Variants in NCALD observed in about 807,000 individuals in gnomAD.
NCALD encodes neurocalcin-delta.
A neutral mutation model predicts 18.6 loss-of-function variants in NCALD; 10 were observed. That is an observed-to-expected ratio of 0.54 (90% CI 0.33 to 0.91). The LOEUF (loss-of-function observed/expected upper bound fraction) is 0.91. Among genes scored for constraint, NCALD ranks in the 40% least tolerant of loss-of-function variants. NCALD has a pLI of 0.03. For synonymous variants in NCALD, 88 were observed against 87.4 expected (o/e 1.01, Z -0.04); for missense variants, 184 against 247.6 (o/e 0.74, Z 1.72).
In NCALD at chr8:101,689,194, C is replaced by T; in HGVS notation, c.*115G>A. ...TCACGGAGGAAGGCGCATCAGACCG[C>T]ACAGGGGACGGCATCACCATTGATA... On this transcript the variant is annotated 3_prime_UTR_variant, in exon 4 of 4. Coordinates refer to ENST00000220931, the MANE Select transcript of NCALD (RefSeq NM_032041.3). The surrounding 1 kb of genome is among the most constrained non-coding windows in gnomAD (Gnocchi z 4.4). 1.0e-6 allele frequency: 1 copy of T among 958,570 alleles called. No homozygotes were observed. Among genetic ancestry groups the T allele is most frequent in the Non-Finnish European group, 1.6e-6 (1 of 614,736 alleles). The allele number at this position is 958,570 out of a possible 1,614,324, so 59.4% of individuals were successfully genotyped here. A position where few individuals can be genotyped will look rare whatever the true frequency, so the allele number is the denominator to read the frequency against.
intron 1 of NCALD, among the ~76,000 whole-genome samples, chr8:102,118,659 C>A (rs529824564): frequency 6.6e-6 from 1 of 151,992 alleles, no homozygotes; most frequent in East Asian, 1.9e-4. Context: ...GACATATTTT[C>A]AGTTGTACAG....
chr8:101,848,331 G>C (rs893550113), intron 4 of NCALD, among the ~76,000 whole-genome samples: 6 of 151,932 alleles, frequency 3.9e-5, no homozygotes, highest in Non-Finnish European at 8.8e-5. Flanking sequence ...GAAGTGGCTT[G>C]GATACTATAA....
chr8:101,935,155 G>A (rs1037179476), intron 2 of NCALD, among the ~76,000 whole-genome samples: 1 of 151,584 alleles, frequency 6.6e-6, no homozygotes, highest in Non-Finnish European at 1.5e-5. Context: ...AAATTAATAA[G>A]AGAAAATGTG....
At chr8:101,752,602 C>G (rs1295601619) in intron 1 of NCALD, among the ~76,000 whole-genome samples, 1 of 152,182 alleles carries the variant, frequency 6.6e-6, no homozygotes, top group Non-Finnish European at 1.5e-5. Flanking sequence ...ATCTTGTGCT[C>G]TTTCATCCCC....
intron 2 of NCALD, among the ~76,000 whole-genome samples, chr8:101,916,953 A>G (rs567019619): frequency 1.3e-5 from 2 of 152,196 alleles, no homozygotes; most frequent in East Asian, 1.9e-4. Context: ...GCAGAAAACT[A>G]ATAAAGAATA....
chr8:102,082,183 A>C (rs1016807591), intron 1 of NCALD, among the ~76,000 whole-genome samples: 1 of 151,124 alleles, frequency 6.6e-6, no homozygotes, highest in Non-Finnish European at 1.5e-5. Flanking sequence ...TATTATTCTC[A>C]AATAATAGCC....
At chr8:101,976,542 C>T (rs1261182222) in intron 2 of NCALD, among the ~76,000 whole-genome samples, 1 of 152,204 alleles carries the variant, frequency 6.6e-6, no homozygotes, top group Non-Finnish European at 1.5e-5. Flanking sequence ...TTGATGTATG[C>T]AATAGCTTAA....
At chr8:102,053,885 G>A (rs949387122) in intron 1 of NCALD, among the ~76,000 whole-genome samples, 6 of 152,026 alleles carry the variant, frequency 3.9e-5, no homozygotes, top group East Asian at 1.9e-4. Context: ...CATATAAATC[G>A]AATGCTCTCC....
intron 2 of NCALD, 28 bp downstream of exon 2, chr8:101,719,224 C>T (rs1341252533): frequency 1.3e-6 from 2 of 1,596,686 alleles, no homozygotes; most frequent in Non-Finnish European, 1.7e-6. Context: ...ACATGCCCTT[C>T]TTTTTTTAAA....
chr8:102,070,422 T>C (rs902414289), intron 1 of NCALD, among the ~76,000 whole-genome samples: 3 of 152,250 alleles, frequency 2.0e-5, no homozygotes, highest in African/African-American at 7.2e-5. Context: ...TATTATTTTC[T>C]GTCACTTTCA....
chr8:101,881,674 C>T (rs997607354), intron 4 of NCALD, among the ~76,000 whole-genome samples: 1 of 152,124 alleles, frequency 6.6e-6, no homozygotes, highest in Admixed American at 6.5e-5. Flanking sequence ...AACAATTAAA[C>T]CACTAAGTTT....
intron 4 of NCALD, among the ~76,000 whole-genome samples, chr8:101,867,190 C>T (rs1287242904): frequency 6.6e-6 from 1 of 152,170 alleles, no homozygotes; most frequent in Non-Finnish European, 1.5e-5. Context: ...TCAAAAGTCA[C>T]CTTCTCAATG....
At chr8:102,002,139 A>C (rs1053634637) in intron 2 of NCALD, among the ~76,000 whole-genome samples, 3 of 152,164 alleles carry the variant, frequency 2.0e-5, no homozygotes, top group African/African-American at 7.2e-5. Context: ...CCCATCTCAC[A>C]TGCAAAGACA....
At chr8:101,851,411 A>G (rs1586631453) in intron 4 of NCALD, among the ~76,000 whole-genome samples, 1 of 152,112 alleles carries the variant, frequency 6.6e-6, no homozygotes, top group East Asian at 1.9e-4. Context: ...AGTGTGATAA[A>G]AGCATTTAGC....
At chr8:102,035,373 A>T (rs1822827000) in intron 1 of NCALD, among the ~76,000 whole-genome samples, 1 of 152,052 alleles carries the variant, frequency 6.6e-6, no homozygotes. Flanking sequence ...CCAAAGTTTA[A>T]ATGTTTTTAT....
intron 2 of NCALD, among the ~76,000 whole-genome samples, chr8:101,921,796 T>C (rs1390337539): frequency 6.6e-6 from 1 of 152,214 alleles, no homozygotes. Flanking sequence ...TTTAATAATA[T>C]AGATACTATA....
At chr8:102,005,959 A>G (rs1418355275) in intron 2 of NCALD, among the ~76,000 whole-genome samples, 35 of 152,144 alleles carry the variant, frequency 2.3e-4, no homozygotes, top group Admixed American at 1.4e-3. Context: ...CAGCACACCA[A>G]CATGGCACAT....
chr8:101,831,865 C>T (rs370424955), intron 4 of NCALD, among the ~76,000 whole-genome samples: 5 of 152,166 alleles, frequency 3.3e-5, no homozygotes, highest in East Asian at 3.8e-4. Flanking sequence ...TCCAAATTCC[C>T]GATGCCCCCA....
intron 1 of NCALD, among the ~76,000 whole-genome samples, chr8:102,054,115 T>C (rs913633105): frequency 1.3e-5 from 2 of 152,230 alleles, no homozygotes; most frequent in Non-Finnish European, 2.9e-5. Context: ...AATCTTTCTT[T>C]CAGTCATTCA....
Sources: allele counts gnomAD v4.1 joint callset (sites outside exome capture counted in the v4.1 genomes callset), GRCh38; gene constraint gnomAD v4.1.1; non-coding constraint Gnocchi (gnomAD v3.1); transcripts MANE v1.5; gene names NCBI Gene and HGNC (gene_info 2026-07-23, HGNC 2026-07-21).